CCDC192: variants seen among roughly 807,000 people sequenced by gnomAD.
CCDC192 encodes the protein coiled-coil domain-containing protein 192.
rs79894349 is a variant in CCDC192, at chr5:127,838,079, C to T, written c.412-37459C>T. Among the ~76,000 whole-genome samples, 868 of 152,284 alleles carry T rather than the reference C, an allele frequency of 5.7e-3. 6 individuals are homozygous for T. Among genetic ancestry groups the T allele is most frequent in the Middle Eastern group, 0.048 (14 of 294 alleles). On this transcript the variant is annotated intron_variant, in intron 5 of 6. Transcript: ENST00000514853. ...ATTAAGTATTGGTTATGCAAAGAGA[C>T]GTTATCTACCCAATTCTCAACCCCG...
intron 5 of CCDC192, among the ~76,000 whole-genome samples, chr5:127,829,872 A>C (rs1448538294): frequency 6.6e-6 from 1 of 152,232 alleles, no homozygotes; most frequent in Non-Finnish European, 1.5e-5. Flanking sequence ...GATCTTTAAC[A>C]AATGAGAATA....
At chr5:127,705,025 C>T (rs1355135748) in intron 1 of CCDC192, among the ~76,000 whole-genome samples, 1 of 151,764 alleles carries the variant, frequency 6.6e-6, no homozygotes, top group Non-Finnish European at 1.5e-5. Context: ...AGAAAAATGC[C>T]GTATCATTAC....
chr5:127,744,065 G>A (rs1434530735), intron 2 of CCDC192, among the ~76,000 whole-genome samples: 1 of 141,580 alleles, frequency 7.1e-6, no homozygotes, highest in Non-Finnish European at 1.5e-5. Flanking sequence ...CTGCACTCCA[G>A]CCTGGGCTAC....
chr5:127,703,309 A>G (rs1299908697), upstream of CCDC192: 1 of 395,988 alleles, frequency 2.5e-6, no homozygotes, highest in Non-Finnish European at 4.5e-6. Context: ...TGGGAAGTTA[A>G]CTGTCTTTTC....
chr5:127,746,880 AATGT>A (rs1215411800), intron 2 of CCDC192, among the ~76,000 whole-genome samples: 1 of 152,138 alleles, frequency 6.6e-6, no homozygotes, highest in Non-Finnish European at 1.5e-5. Context: ...CTCAAGGTTC[AATGT>A]ATAGTATGAA....
rs555555148 is a variant in CCDC192 at position 127,703,581 on chromosome 5, T to TAA, written c.62+82_62+83dup. ...GATAAAGTAGCTTTCACTCAGTACT[T>TAA]AAAAAAAAATCTTTCTTTAAAGTCT... On this transcript the variant is annotated intron_variant, in intron 1 of 6. Transcript: ENST00000514853. 225 of 392,004 alleles carry TAA rather than the reference T, an allele frequency of 5.7e-4. 1 individual carries two copies. Among genetic ancestry groups the TAA allele is most frequent in the African/African-American group, 4.1e-3 (198 of 48,328 alleles). 24.3% of individuals were successfully genotyped at this position (392,004 alleles called of 1,614,324 possible).
intron 5 of CCDC192, among the ~76,000 whole-genome samples, chr5:127,854,560 T>C (rs2127091469): frequency 6.6e-6 from 1 of 152,280 alleles, no homozygotes; most frequent in Middle Eastern, 3.4e-3. Context: ...ATCTATAGCG[T>C]TCAGTTTCAG....
At chr5:127,750,238 CTT>C (rs1427914341) in intron 2 of CCDC192, among the ~76,000 whole-genome samples, 1 of 152,070 alleles carries the variant, frequency 6.6e-6, no homozygotes, top group African/African-American at 2.4e-5. Context: ...CCTGCTTTCT[CTT>C]GTGGGCATTT....
intron 6 of CCDC192, among the ~76,000 whole-genome samples, chr5:127,937,343 G>T (rs549916905): frequency 1.8e-4 from 28 of 152,178 alleles, no homozygotes; most frequent in Middle Eastern, 3.4e-3. Context: ...CTGTGTTGAA[G>T]CCCTAGCCCC....
intron 2 of CCDC192, among the ~76,000 whole-genome samples, chr5:127,729,823 G>A (rs547217179): frequency 6.6e-6 from 1 of 152,228 alleles, no homozygotes; most frequent in African/African-American, 2.4e-5. Context: ...TGAAACCAAT[G>A]ATAACAAAGA....
At chr5:127,870,092 C>G (rs576986739) in intron 5 of CCDC192, among the ~76,000 whole-genome samples, 1 of 152,124 alleles carries the variant, frequency 6.6e-6, no homozygotes, top group Non-Finnish European at 1.5e-5. Flanking sequence ...GTTTTTCATT[C>G]GAGGCATTTG....
chr5:127,737,206 G>T (rs1328258771), intron 2 of CCDC192, among the ~76,000 whole-genome samples: 1 of 152,006 alleles, frequency 6.6e-6, no homozygotes, highest in East Asian at 1.9e-4. Context: ...TCATTCAGGA[G>T]CAGGTTGTTC....
chr5:127,853,967 C>A (rs946962505), intron 5 of CCDC192, among the ~76,000 whole-genome samples: 1 of 152,210 alleles, frequency 6.6e-6, no homozygotes, highest in Non-Finnish European at 1.5e-5. Context: ...TTCAATGACT[C>A]TATTCCCAGC....
chr5:127,871,854 T>A (rs1276523513), intron 5 of CCDC192, among the ~76,000 whole-genome samples: 3 of 152,166 alleles, frequency 2.0e-5, no homozygotes. Flanking sequence ...GTAGGAGAAG[T>A]AGGAAAAGAG....
intron 6 of CCDC192, among the ~76,000 whole-genome samples, chr5:127,915,062 A>AC (rs1753480378): frequency 6.6e-6 from 1 of 152,226 alleles, no homozygotes; most frequent in Non-Finnish European, 1.5e-5. Context: ...ATACAGGCAT[A>AC]ACTCAGAGAT....
At chr5:127,872,615 A>C (rs1447399876) in intron 5 of CCDC192, among the ~76,000 whole-genome samples, 1 of 152,166 alleles carries the variant, frequency 6.6e-6, no homozygotes, top group Non-Finnish European at 1.5e-5. Context: ...TTCCCAGAGC[A>C]GGAGGTCTTT....
intron 6 of CCDC192, among the ~76,000 whole-genome samples, chr5:127,888,534 C>T (rs1752642569): frequency 6.6e-6 from 1 of 151,894 alleles, no homozygotes; most frequent in South Asian, 2.1e-4. Context: ...GATCTAGTAT[C>T]ACTATACTTC....
At chr5:127,786,759 T>C (rs1479799638) in intron 3 of CCDC192, 3 of 674,068 alleles carry the variant, frequency 4.5e-6, no homozygotes, top group Non-Finnish European at 5.5e-6. Context: ...CAAGTAATTA[T>C]TCAAAAATTA....
intron 3 of CCDC192, among the ~76,000 whole-genome samples, chr5:127,781,679 A>T (rs1483043430): frequency 6.6e-6 from 1 of 151,354 alleles, no homozygotes; most frequent in Admixed American, 6.6e-5. Context: ...ATTTGTGTAC[A>T]CTAATTTTGT....
Sources: gnomAD v4.1 joint callset for allele counts (sites outside exome capture counted in the v4.1 genomes callset) on GRCh38, gnomAD v4.1.1 for gene constraint, MANE v1.5 for transcripts, NCBI Gene and HGNC (gene_info 2026-07-23, HGNC 2026-07-21) for gene names.